CYP2C8: variants seen among roughly 807,000 people sequenced by gnomAD.
CYP2C8 encodes the protein cytochrome P450 2C8.
Under a neutral mutation model 41.3 loss-of-function variants are expected in CYP2C8, and 51 were observed. The observed-to-expected ratio is 1.24, with a 90% CI of 0.99 to 1.56. CYP2C8 has a LOEUF of 1.56. CYP2C8 is among the 40% of genes most tolerant of loss of function. CYP2C8 has a pLI of 0.00. For synonymous variants in CYP2C8, 218 were observed against 205.8 expected (o/e 1.06, Z -0.51); for missense variants, 651 against 579.9 (o/e 1.12, Z -1.26).
chr10:95,044,101 C>T (rs1408017062), intron 6 of CYP2C8, among the ~76,000 whole-genome samples: 1 of 152,132 alleles, frequency 6.6e-6, no homozygotes, highest in East Asian at 1.9e-4. Flanking sequence ...TTCCTAGGAG[C>T]ACAGCAGCCT....
intron 7 of CYP2C8, among the ~76,000 whole-genome samples, 198 bp downstream of exon 7, chr10:95,042,692 C>CT (rs1564734275): frequency 6.6e-6 from 1 of 152,140 alleles, no homozygotes; most frequent in African/African-American, 2.4e-5. Flanking sequence ...GAAAGTGTAA[C>CT]ACCTAAGAGC....
chr10:95,042,844 GA>G (rs1234446970), intron 7 of CYP2C8, 45 bp downstream of exon 7: 1 of 1,546,232 alleles, frequency 6.5e-7, no homozygotes, highest in African/African-American at 1.4e-5. Flanking sequence ...CAGCACTATG[GA>G]AATTTCAGAA....
intron 5 of CYP2C8, among the ~76,000 whole-genome samples, chr10:95,056,786 G>A (rs2033322650): frequency 6.6e-6 from 1 of 151,854 alleles, no homozygotes; most frequent in African/African-American, 2.4e-5. Flanking sequence ...TCTGTGGAGT[G>A]ATAAAAAAGT....
At chr10:95,043,394 A>G (rs574119103) in intron 6 of CYP2C8, among the ~76,000 whole-genome samples, 3 of 152,226 alleles carry the variant, frequency 2.0e-5, no homozygotes, top group Non-Finnish European at 4.4e-5. Flanking sequence ...TGCAAACAGA[A>G]AAACAATCAA....
chr10:95,055,670 G>C (rs917636977), intron 5 of CYP2C8, among the ~76,000 whole-genome samples: 3 of 152,192 alleles, frequency 2.0e-5, no homozygotes, highest in Non-Finnish European at 2.9e-5. Context: ...TTAAAAATGT[G>C]AAATGACAAC....
chr10:95,039,837 A>T (rs1342640910), intron 7 of CYP2C8, among the ~76,000 whole-genome samples: 1 of 152,166 alleles, frequency 6.6e-6, no homozygotes, highest in Non-Finnish European at 1.5e-5. Context: ...TCATGCTCCC[A>T]CCTCATCAAT....
intron 5 of CYP2C8, among the ~76,000 whole-genome samples, chr10:95,056,199 T>A (rs2033311895): frequency 6.6e-6 from 1 of 151,978 alleles, no homozygotes; most frequent in African/African-American, 2.4e-5. Flanking sequence ...ATAGGTCAAG[T>A]CAAAACCACA....
chr10:95,046,997 G>A (rs2134415480), intron 5 of CYP2C8, among the ~76,000 whole-genome samples: 1 of 152,284 alleles, frequency 6.6e-6, no homozygotes, highest in South Asian at 2.1e-4. Context: ...GATTTCTCAT[G>A]AGCATTATTT....
chr10:95,066,506 TTATAC>T (rs2033570330), intron 3 of CYP2C8, among the ~76,000 whole-genome samples: 1 of 152,186 alleles, frequency 6.6e-6, no homozygotes, highest in Non-Finnish European at 1.5e-5. Flanking sequence ...ATTTGCTGAG[TTATAC>T]TATAGATTAT....
Position 95,069,485 on chromosome 10 carries a change from C to G in CYP2C8, c.-83G>C, listed in dbSNP as rs1415356545. 3.6e-6 allele frequency: 4 copies of G among 1,120,040 alleles called. No individual in the cohort carries two copies. The highest frequency in any genetic ancestry group is 5.4e-6 in the Non-Finnish European group (4 of 744,610). The allele number at this position is 1,120,040 out of a possible 1,614,324, so 69.4% of individuals were successfully genotyped here. On this transcript the variant is annotated 5_prime_UTR_variant, in exon 1 of 9. Coordinates refer to ENST00000371270, the MANE Select transcript of CYP2C8 (RefSeq NM_000770.3). ...CACTCCCTGCTAATTTAGTGTGTGT[C>G]TCTTTGACATGTAAAGTAAACAATC...
At chr10:95,061,002 C>T (rs2033416305) in intron 4 of CYP2C8, among the ~76,000 whole-genome samples, 1 of 152,142 alleles carries the variant, frequency 6.6e-6, no homozygotes, top group African/African-American at 2.4e-5. Flanking sequence ...CCCACTTGAT[C>T]GTGGTGGATA....
In CYP2C8 at chr10:95,067,344, G is replaced by C; in HGVS notation, c.345C>G (p.Ser115Arg). The C allele has an allele frequency of 6.2e-7, 1 of 1,609,938 alleles. No homozygotes were observed. Among genetic ancestry groups the C allele is most frequent in the Non-Finnish European group, 8.5e-7 (1 of 1,179,528 alleles). Residue 115 changes from serine (S) to arginine (R), a missense_variant, in exon 3 of 9, where the codon AGC becomes AGG. Coordinates refer to ENST00000371270, the MANE Select transcript of CYP2C8 (RefSeq NM_000770.3). ...GGATCTCCTTCCATCTCTTTCCATT[G>C]CTGGAAATGATTCCTAATAAAAAAA... ...RITKGLGIISSNGKRWKEIRR... is the reference protein window; with the variant it reads ...RITKGLGIISRNGKRWKEIRR...
At chr10:95,065,269 A>G (rs937869250) in intron 3 of CYP2C8, among the ~76,000 whole-genome samples, 10 of 152,236 alleles carry the variant, frequency 6.6e-5, no homozygotes, top group Non-Finnish European at 4.4e-5. Context: ...TGAAATCCTA[A>G]TAATTCAAGT....
At chr10:95,063,240 A>G (rs1276732798) in intron 4 of CYP2C8, among the ~76,000 whole-genome samples, 2 of 152,110 alleles carry the variant, frequency 1.3e-5, no homozygotes, top group African/African-American at 2.4e-5. Context: ...GTGTTTTCCA[A>G]CTCAGTTCCA....
chr10:95,066,153 A>AGAGAGAGG (rs1342809282), intron 3 of CYP2C8, among the ~76,000 whole-genome samples: 1 of 88,286 alleles, frequency 1.1e-5, no homozygotes, highest in Non-Finnish European at 2.3e-5. Context: ...AGAGAGAGAG[A>AGAGAGAGG]GTGTGTGTGT....
intron 7 of CYP2C8, among the ~76,000 whole-genome samples, chr10:95,040,413 T>C (rs1202233532): frequency 6.6e-6 from 1 of 152,202 alleles, no homozygotes; most frequent in Non-Finnish European, 1.5e-5. Context: ...ACATTAGTAA[T>C]TGAAACCTTA....
At chr10:95,057,250 A>G (rs148101056) in intron 5 of CYP2C8, among the ~76,000 whole-genome samples, 2 of 152,148 alleles carry the variant, frequency 1.3e-5, no homozygotes, top group East Asian at 3.9e-4. Flanking sequence ...TCCAAGACCC[A>G]CCTCTGGAGT....
intron 4 of CYP2C8, among the ~76,000 whole-genome samples, chr10:95,060,417 A>C (rs1252390562): frequency 6.6e-6 from 1 of 152,168 alleles, no homozygotes; most frequent in Non-Finnish European, 1.5e-5. Flanking sequence ...TGTGAATGGA[A>C]GTTCACTCAT....
chr10:95,069,216 G>A lies in CYP2C8; in HGVS notation c.168+19C>T. 4.3e-6 allele frequency: 7 copies of A among 1,613,864 alleles called. No individual in the cohort carries two copies. The highest frequency in any genetic ancestry group is 5.9e-6 in the Non-Finnish European group (7 of 1,179,776). ...ACTTACCCTTTGCAATTGGCTGGAG[G>A]AACATAAGGCAGACTTACATTGGTG... is the stretch of plus-strand genomic sequence containing the variant. On this transcript the variant is annotated intron_variant, in intron 1 of 8. Transcript: ENST00000371270.
Sources: allele counts gnomAD v4.1 joint callset (sites outside exome capture counted in the v4.1 genomes callset), GRCh38; gene constraint gnomAD v4.1.1; transcripts MANE v1.5; gene names NCBI Gene and HGNC (gene_info 2026-07-23, HGNC 2026-07-21).